GRM7: variants seen among roughly 807,000 people sequenced by gnomAD.
The protein encoded by GRM7 is metabotropic glutamate receptor 7.
Under a neutral mutation model 84.5 loss-of-function variants are expected in GRM7, and 35 were observed. The observed-to-expected ratio is 0.41, with a 90% CI of 0.32 to 0.55. The LOEUF (loss-of-function observed/expected upper bound fraction) is 0.55, where lower values mean the gene tolerates loss of function less well. Among genes scored for constraint, GRM7 ranks in the 20% least tolerant of loss-of-function variants. The pLI, the probability that GRM7 is intolerant of heterozygous loss-of-function variation, is 0.19. For synonymous variants in GRM7, 487 were observed against 455.1 expected (o/e 1.07, Z -0.89); for missense variants, 1,003 against 1,194.6 (o/e 0.84, Z 2.36).
chr3:7,581,355 G>A (rs1695240776), intron 8 of GRM7, among the ~76,000 whole-genome samples: 1 of 152,126 alleles, frequency 6.6e-6, no homozygotes, highest in African/African-American at 2.4e-5. Flanking sequence ...AGTTTTAGAA[G>A]GCACGTAATT....
chr3:7,198,261 T>C (rs1162161831), intron 2 of GRM7, among the ~76,000 whole-genome samples: 1 of 152,058 alleles, frequency 6.6e-6, no homozygotes, highest in Non-Finnish European at 1.5e-5. Context: ...CCAGACATCA[T>C]GGTGTGCAAA....
intron 1 of GRM7, among the ~76,000 whole-genome samples, chr3:6,958,267 A>G (rs1398992657): frequency 6.7e-6 from 1 of 148,538 alleles, no homozygotes; most frequent in Non-Finnish European, 1.5e-5. Flanking sequence ...AGTCTGGTTT[A>G]TTTTACTCAG....
At chr3:7,587,360 G>T (rs961712529) in intron 8 of GRM7, among the ~76,000 whole-genome samples, 2 of 152,180 alleles carry the variant, frequency 1.3e-5, no homozygotes, top group African/African-American at 4.8e-5. Flanking sequence ...TAAATGCTCA[G>T]TAAAGGATAA....
chr3:7,344,646 T>A (rs934818698), intron 4 of GRM7, among the ~76,000 whole-genome samples: 4 of 152,180 alleles, frequency 2.6e-5, no homozygotes, highest in Non-Finnish European at 5.9e-5. Context: ...CTGGAGTGCA[T>A]TACATTAAGT....
At chr3:7,370,896 A>T (rs1397688933) in intron 4 of GRM7, among the ~76,000 whole-genome samples, 1 of 152,156 alleles carries the variant, frequency 6.6e-6, no homozygotes, top group Non-Finnish European at 1.5e-5. Flanking sequence ...AGAACTACTT[A>T]AAAGTTTCTG....
intron 2 of GRM7, among the ~76,000 whole-genome samples, chr3:7,278,774 A>G (rs1559548413): frequency 6.6e-6 from 1 of 151,950 alleles, no homozygotes; most frequent in Admixed American, 6.5e-5. Flanking sequence ...ACATTAAAAG[A>G]CCTGAGTTCT....
chr3:7,382,477 G>C (rs970275746), intron 4 of GRM7, among the ~76,000 whole-genome samples: 3 of 152,112 alleles, frequency 2.0e-5, no homozygotes, highest in African/African-American at 7.2e-5. Flanking sequence ...AACCATCAGA[G>C]TTTTATTACA....
chr3:7,503,596 C>G (rs1014832915), intron 7 of GRM7, among the ~76,000 whole-genome samples: 2 of 152,230 alleles, frequency 1.3e-5, no homozygotes, highest in Admixed American at 6.5e-5. Flanking sequence ...CAGAGTGGAT[C>G]GCCCACTCTG....
intron 1 of GRM7, among the ~76,000 whole-genome samples, chr3:6,924,204 T>C (rs190445391): frequency 6.6e-6 from 1 of 152,270 alleles, no homozygotes. Context: ...CTGACTTTCA[T>C]CAGATTTGGA....
At chr3:7,113,012 A>C (rs1474154420) in intron 1 of GRM7, among the ~76,000 whole-genome samples, 1 of 152,174 alleles carries the variant, frequency 6.6e-6, no homozygotes, top group Non-Finnish European at 1.5e-5. Flanking sequence ...GCTTAGATGA[A>C]AACTCTGTAG....
At chr3:7,214,953 AAAT>A (rs1395112436) in intron 2 of GRM7, among the ~76,000 whole-genome samples, 1 of 152,218 alleles carries the variant, frequency 6.6e-6, no homozygotes, top group Non-Finnish European at 1.5e-5. Flanking sequence ...CCTCATTCAC[AAAT>A]AATGACATGT....
chr3:7,656,981 A>T (rs1164142807), intron 8 of GRM7, among the ~76,000 whole-genome samples: 2 of 152,208 alleles, frequency 1.3e-5, no homozygotes, highest in African/African-American at 4.8e-5. Flanking sequence ...GTGAAGTACA[A>T]ACATATTTTT....
At chr3:7,199,350 T>C (rs1695987541) in intron 2 of GRM7, among the ~76,000 whole-genome samples, 1 of 152,174 alleles carries the variant, frequency 6.6e-6, no homozygotes, top group Admixed American at 6.5e-5. Flanking sequence ...CAGTTGCTAG[T>C]GGAAGGCAAC....
At chr3:7,711,977 G>A (rs1252462499) in intron 9 of GRM7, among the ~76,000 whole-genome samples, 1 of 152,174 alleles carries the variant, frequency 6.6e-6, no homozygotes, top group Non-Finnish European at 1.5e-5. Flanking sequence ...CATAAAATGA[G>A]CATTTCTGTC....
intron 1 of GRM7, among the ~76,000 whole-genome samples, chr3:7,044,078 T>C (rs1216858190): frequency 1.3e-5 from 2 of 152,240 alleles, no homozygotes; most frequent in Non-Finnish European, 2.9e-5. Flanking sequence ...CACATCACCT[T>C]ATTTTAGAAA....
At chr3:7,505,117 G>A (rs1272608736) in intron 7 of GRM7, among the ~76,000 whole-genome samples, 2 of 152,210 alleles carry the variant, frequency 1.3e-5, no homozygotes, top group Non-Finnish European at 2.9e-5. Context: ...TTCCAAGTAA[G>A]TCAAAAATCT....
intron 2 of GRM7, among the ~76,000 whole-genome samples, chr3:7,272,406 A>G (rs1698900014): frequency 1.3e-5 from 2 of 152,218 alleles, no homozygotes; most frequent in South Asian, 4.1e-4. Flanking sequence ...TATATGGAAT[A>G]CATGGGAAAC....
chr3:7,271,777 G>A (rs1399697457), intron 2 of GRM7, among the ~76,000 whole-genome samples: 2 of 152,124 alleles, frequency 1.3e-5, no homozygotes, highest in African/African-American at 4.8e-5. Context: ...CAAAACCAAA[G>A]CCACTTGAGA....
chr3:7,608,501 C>T (rs1056514870), intron 8 of GRM7, among the ~76,000 whole-genome samples: 3 of 151,934 alleles, frequency 2.0e-5, no homozygotes, highest in Non-Finnish European at 4.4e-5. Flanking sequence ...TTTTCATATG[C>T]TTGTTGGTTG....
Sources: allele counts gnomAD v4.1 joint callset (sites outside exome capture counted in the v4.1 genomes callset), GRCh38; gene constraint gnomAD v4.1.1; transcripts MANE v1.5; gene names NCBI Gene and HGNC (gene_info 2026-07-23, HGNC 2026-07-21).